The following PC variants were observed in gnomAD, a reference collection of about 807,000 sequenced individuals.
The protein encoded by PC is pyruvate carboxylase, mitochondrial.
In PC, 46 loss-of-function variants were observed where a neutral mutation model predicts 107.8. The observed-to-expected ratio is 0.43, with a 90% CI of 0.34 to 0.55. The LOEUF is 0.55. Among genes scored for constraint, PC ranks in the 20% least tolerant of loss-of-function variants. The probability of loss-of-function intolerance (pLI) is 0.04; values close to 1 mark genes in which losing one functional copy is unlikely to be tolerated. For missense variants in PC, 1,241 were observed against 1,643.1 expected (o/e 0.76, Z 4.23); for synonymous variants, 662 against 684.7 (o/e 0.97, Z 0.52).
chr11:66,946,726 C>A lies in PC; in HGVS notation c.-1+5704G>T, dbSNP rs996466460. Among the ~76,000 whole-genome samples, 12 of 152,176 alleles carry A rather than the reference C, an allele frequency of 7.9e-5. No homozygotes were observed. The East Asian group carries it at 2.3e-3, about 29-fold the overall frequency. Reference sequence around the variant, plus strand: ...ATCGCTTGAGCATGGGAGGTCGAGGCTGCAGTGAGCCACGATCGCATCAGT... The same window carrying A: ...ATCGCTTGAGCATGGGAGGTCGAGGATGCAGTGAGCCACGATCGCATCAGT... On this transcript the variant is annotated intron_variant, in intron 3 of 22. Transcript: ENST00000393960.
At chr11:66,867,853 C>T (rs1486249666) in intron 10 of PC, among the ~76,000 whole-genome samples, 1 of 152,262 alleles carries the variant, frequency 6.6e-6, no homozygotes, top group Non-Finnish European at 1.5e-5. Flanking sequence ...GAGGGGCCTC[C>T]ATGCCCCCGG....
chr11:66,848,457 G>T lies in PC; in HGVS notation c.*442C>A. 2 of 538,378 alleles carry T rather than the reference G, an allele frequency of 3.7e-6. No individual in the cohort carries two copies. The highest frequency in any genetic ancestry group is 6.5e-6 in the Non-Finnish European group (2 of 307,214). 33.4% of individuals were successfully genotyped at this position (538,378 alleles called of 1,614,324 possible). A position where few individuals can be genotyped will look rare whatever the true frequency, so the allele number is the denominator to read the frequency against. ...CACAACTGACCTGCCCACCCATGGG[G>T]AGCTTGAAAGGCAGCCCCCCACTGC... On this transcript the variant is annotated 3_prime_UTR_variant, in exon 23 of 23. Transcript: ENST00000393960.
At position 66,866,379 on chromosome 11, in the gene PC, G is replaced by T; in HGVS notation, c.1023-30C>A. ...AGGGCATTGGGGGGAGGGGGGAAAG[G>T]ACGGGAGAAAGGGGGAAACATGAGG... On this transcript the variant is annotated intron_variant, in intron 10 of 22. Transcript: ENST00000393960. The surrounding 1 kb of genome is among the most constrained non-coding windows in gnomAD (Gnocchi z 5.4). The T allele has an allele frequency of 1.3e-6, 2 of 1,491,008 alleles. No homozygotes were observed. Among genetic ancestry groups the T allele is most frequent in the Non-Finnish European group, 9.3e-7 (1 of 1,080,306 alleles). The allele number at this position is 1,491,008 out of a possible 1,614,324, so 92.4% of individuals were successfully genotyped here.
At chr11:66,867,918 G>T (rs1481334549) in intron 10 of PC, among the ~76,000 whole-genome samples, 1 of 152,256 alleles carries the variant, frequency 6.6e-6, no homozygotes, top group Non-Finnish European at 1.5e-5. Context: ...GGTTGGGGCT[G>T]GGGGCAGAAC....
In PC at chr11:66,858,354, C is replaced by A; in HGVS notation, c.1369-4971G>T. 5.6e-6 allele frequency: 9 copies of A among 1,597,536 alleles called. No individual in the cohort carries two copies. Among genetic ancestry groups the A allele is most frequent in the Non-Finnish European group, 6.8e-6 (8 of 1,175,630 alleles). On this transcript the variant is annotated intron_variant, in intron 12 of 22. Coordinates refer to ENST00000393960, the MANE Select transcript of PC (RefSeq NM_001040716.2). The surrounding 1 kb of genome is among the most constrained non-coding windows in gnomAD (Gnocchi z 5.9). ...CTCCCGCCTGGACCTCACCTCCAAC[C>A]GCCTGGCCACGCTGGCTCCGGACCC...
chr11:66,871,895 T>C lies in PC; in HGVS notation c.137-24A>G, dbSNP rs1397979914. 1 of 1,603,198 alleles carries C rather than the reference T, an allele frequency of 6.2e-7. No individual in the cohort carries two copies. The highest frequency in any genetic ancestry group is 2.2e-5 in the East Asian group (1 of 44,730). ...ACCTAGAGGGCAAAGAAACAAGAAG[T>C]TAGATTCCTAGGTCCTAGGAGAAGC... On this transcript the variant is annotated intron_variant, in intron 4 of 22. Coordinates refer to ENST00000393960, the MANE Select transcript of PC (RefSeq NM_001040716.2). The surrounding 1 kb of genome is among the most constrained non-coding windows in gnomAD (Gnocchi z 7.4).
rs777097562 is a variant in PC, at chr11:66,858,489, G to C, written c.1369-5106C>G. 150 of 1,539,316 alleles carry C rather than the reference G, an allele frequency of 9.7e-5. No homozygotes were observed. The highest frequency in any genetic ancestry group is 1.3e-4 in the Non-Finnish European group (147 of 1,148,840). On this transcript the variant is annotated intron_variant, in intron 12 of 22. Transcript: ENST00000393960. The surrounding 1 kb of genome is among the most constrained non-coding windows in gnomAD (Gnocchi z 5.9). ...TGAGCTGCTGTGGCTGCGGCGGCTG[G>C]CGCGGCCGGACGACCTGGAAACGTG...
chr11:66,895,026 G>GAAAA (rs11421698), intron 3 of PC, among the ~76,000 whole-genome samples: 1 of 126,758 alleles, frequency 7.9e-6, no homozygotes. Flanking sequence ...TCCGTCTCAG[G>GAAAA]AAAAAAAAAA....
Position 66,868,727 on chromosome 11 carries a change from C to T in PC, c.1022+119G>A, listed in dbSNP as rs552936957. On this transcript the variant is annotated intron_variant, in intron 10 of 22. Transcript: ENST00000393960. The stretch of plus-strand genomic sequence containing the variant: ...ACACTAAGTACCTGGATCCCCATTG[C>T]TCTCCACCAATGTGGGGAGTGAGCA... The T allele has an allele frequency of 1.4e-5, 11 of 767,456 alleles. No homozygotes were observed. In the Admixed American group the frequency reaches 1.6e-4, roughly 11 times the overall value. 47.5% of individuals were successfully genotyped at this position (767,456 alleles called of 1,614,324 possible).
intron 3 of PC, among the ~76,000 whole-genome samples, chr11:66,887,911 G>A (rs1014355191): frequency 5.3e-5 from 8 of 152,244 alleles, no homozygotes; most frequent in Admixed American, 1.3e-4. Context: ...GGCCTGCAAC[G>A]AATCCCTCCC....
chr11:66,948,747 G>A (rs79495854), intron 3 of PC, among the ~76,000 whole-genome samples: 1,957 of 152,044 alleles, frequency 0.013, 42 homozygotes, highest in African/African-American at 0.045. Flanking sequence ...GTCTGAAAAG[G>A]GAAGATCACC....
intron 3 of PC, among the ~76,000 whole-genome samples, chr11:66,951,165 A>G (rs1159025531): frequency 1.3e-5 from 2 of 152,188 alleles, no homozygotes; most frequent in Admixed American, 6.5e-5. Flanking sequence ...GAAAACCGAG[A>G]AAAACTCCTA....
At chr11:66,935,624 G>A (rs377673769) in intron 3 of PC, among the ~76,000 whole-genome samples, 13 of 152,232 alleles carry the variant, frequency 8.5e-5, no homozygotes, top group East Asian at 1.9e-4. Flanking sequence ...CCTGTGGAAC[G>A]GCAGCATATT....
intron 3 of PC, among the ~76,000 whole-genome samples, chr11:66,905,151 A>G (rs1322776236): frequency 6.6e-6 from 1 of 152,256 alleles, no homozygotes; most frequent in Non-Finnish European, 1.5e-5. Flanking sequence ...GAAAATCACT[A>G]TCTGCTGACG....
rs1000712985 is a variant in PC at position 66,946,744 on chromosome 11, G to A, written c.-1+5686C>T. 5.9e-5 allele frequency among the ~76,000 whole-genome samples: 9 copies of A among 152,118 alleles called. No individual in the cohort carries two copies. In the South Asian group the frequency reaches 8.3e-4, roughly 14 times the overall value. On this transcript the variant is annotated intron_variant, in intron 3 of 22. Coordinates refer to ENST00000393960, the MANE Select transcript of PC (RefSeq NM_001040716.2). ...GTCGAGGCTGCAGTGAGCCACGATC[G>A]CATCAGTGCAAGCCAGCCTGGGGCA... is the stretch of plus-strand genomic sequence containing the variant.
Position 66,958,316 on chromosome 11 carries a change from AC to A in PC, c.-228+5del, listed in dbSNP as rs1949629318. 1 of 152,210 alleles carries A rather than the reference AC, an allele frequency of 6.6e-6. No individual in the cohort carries two copies. Among genetic ancestry groups the A allele is most frequent in the African/African-American group, 2.4e-5 (1 of 41,424 alleles). 9.4% of individuals were successfully genotyped at this position (152,210 alleles called of 1,614,324 possible). On this transcript the variant is annotated splice_donor_5th_base_variant and intron_variant, in intron 1 of 22. Transcript: ENST00000393960. ...GAGGACCGTGCGGAGCGCGGCGGAC[AC>A]TCACCTCCTCGCCGTCGCCAGTCCT...
chr11:66,946,710 G>A (rs1318131275), intron 3 of PC, among the ~76,000 whole-genome samples: 1 of 152,056 alleles, frequency 6.6e-6, no homozygotes, highest in Non-Finnish European at 1.5e-5. Context: ...GATCGCTTGA[G>A]CATGGGAGGT....
intron 3 of PC, among the ~76,000 whole-genome samples, chr11:66,899,367 C>T (rs1185076711): frequency 6.6e-6 from 1 of 152,110 alleles, no homozygotes; most frequent in Admixed American, 6.5e-5. Flanking sequence ...TGATGAAATG[C>T]ATATACGATG....
chr11:66,887,824 T>C (rs1401252645), intron 3 of PC, among the ~76,000 whole-genome samples: 1 of 152,210 alleles, frequency 6.6e-6, no homozygotes, highest in Admixed American at 6.5e-5. Flanking sequence ...CCACTCTCTT[T>C]CAGTTTGGGA....
Sources: allele counts gnomAD v4.1 joint callset (sites outside exome capture counted in the v4.1 genomes callset), GRCh38; gene constraint gnomAD v4.1.1; non-coding constraint Gnocchi (gnomAD v3.1); transcripts MANE v1.5; gene names NCBI Gene and HGNC (gene_info 2026-07-23, HGNC 2026-07-21).